PDE4D: variants seen among roughly 807,000 people sequenced by gnomAD.
PDE4D encodes the protein 3',5'-cyclic-AMP phosphodiesterase 4D.
In PDE4D, 24 loss-of-function variants were observed where a neutral mutation model predicts 87.4. That is an observed-to-expected ratio of 0.27 (90% confidence interval 0.20 to 0.39). PDE4D has a LOEUF of 0.39. PDE4D is among the 10% of genes least tolerant of loss of function. The probability of loss-of-function intolerance (pLI) is 1.00; values close to 1 mark genes in which losing one functional copy is unlikely to be tolerated. For missense variants in PDE4D, 714 were observed against 1,041.0 expected (o/e 0.69, Z 4.32); for synonymous variants, 384 against 383.2 (o/e 1.00, Z -0.02).
At chr5:59,225,467 T>C (rs890925147) in intron 1 of PDE4D, among the ~76,000 whole-genome samples, 1 of 152,196 alleles carries the variant, frequency 6.6e-6, no homozygotes, top group African/African-American at 2.4e-5. Flanking sequence ...TTTTTCAAGA[T>C]TGTTTTGACT....
chr5:59,330,719 A>G (rs1776568857), intron 1 of PDE4D, among the ~76,000 whole-genome samples: 1 of 152,156 alleles, frequency 6.6e-6, no homozygotes, highest in Non-Finnish European at 1.5e-5. Flanking sequence ...TTTCTCTGAC[A>G]TTGAAATTTC....
intron 2 of PDE4D, among the ~76,000 whole-genome samples, chr5:60,172,506 A>T (rs1229243244): frequency 1.3e-5 from 2 of 151,788 alleles, no homozygotes; most frequent in Non-Finnish European, 2.9e-5. Context: ...CATTGCTTTC[A>T]CTCTGCCCCT....
intron 5 of PDE4D, 21 bp from the exon 6 acceptor site, chr5:59,038,992 G>A: frequency 6.4e-7 from 1 of 1,560,768 alleles, no homozygotes; most frequent in South Asian, 1.2e-5. Context: ...ACAGGGAAAG[G>A]GGGACTCAGT....
intron 2 of PDE4D, among the ~76,000 whole-genome samples, chr5:60,009,979 G>T (rs1764864313): frequency 6.6e-6 from 1 of 151,914 alleles, no homozygotes; most frequent in Non-Finnish European, 1.5e-5. Context: ...GTACATTGTG[G>T]CCTCTATTTT....
At chr5:60,480,965 A>T (rs1748686436) in intron 1 of PDE4D, among the ~76,000 whole-genome samples, 1 of 152,184 alleles carries the variant, frequency 6.6e-6, no homozygotes, top group South Asian at 2.1e-4. Context: ...ATAAACAACA[A>T]GTAAATGGAG....
At chr5:60,377,250 T>C (rs1224367485) in intron 1 of PDE4D, among the ~76,000 whole-genome samples, 1 of 152,218 alleles carries the variant, frequency 6.6e-6, no homozygotes, top group Non-Finnish European at 1.5e-5. Flanking sequence ...ATATCTGACT[T>C]GGACCTCACT....
chr5:60,304,651 C>CAAAAAAAAAAAAAA (rs70975379), intron 1 of PDE4D, among the ~76,000 whole-genome samples: 123 of 60,046 alleles, frequency 2.0e-3, no homozygotes, highest in African/African-American at 9.2e-3. Context: ...GACTCCGTCT[C>CAAAAAAAAAAAAAA]AAAAAAAAAA....
chr5:60,379,083 T>G (rs1291818740), intron 1 of PDE4D, among the ~76,000 whole-genome samples: 4 of 152,124 alleles, frequency 2.6e-5, no homozygotes, highest in Non-Finnish European at 5.9e-5. Context: ...ATTGCATGCC[T>G]TTCTGCTCTT....
At chr5:60,259,051 C>G (rs1749379986) in intron 1 of PDE4D, among the ~76,000 whole-genome samples, 1 of 152,024 alleles carries the variant, frequency 6.6e-6, no homozygotes, top group African/African-American at 2.4e-5. Context: ...ATAAGCTCAT[C>G]ATATTTACTA....
chr5:59,899,170 A>G (rs934393280), intron 3 of PDE4D, among the ~76,000 whole-genome samples: 1 of 152,150 alleles, frequency 6.6e-6, no homozygotes, highest in Admixed American at 6.6e-5. Context: ...ACATTTTAAC[A>G]TTATAATGAT....
At chr5:58,990,726 A>G in intron 9 of PDE4D, 78 bp downstream of exon 9, 3 of 764,258 alleles carry the variant, frequency 3.9e-6, no homozygotes, top group Non-Finnish European at 6.5e-6. Flanking sequence ...ATTAAAAAAG[A>G]CAAAATGTAT....
At chr5:60,396,516 T>A (rs1248929238) in intron 1 of PDE4D, among the ~76,000 whole-genome samples, 2 of 152,202 alleles carry the variant, frequency 1.3e-5, no homozygotes, top group African/African-American at 2.4e-5. Context: ...TCCTTTTTTT[T>A]ATTCTTTTCT....
At chr5:60,097,131 C>A (rs868769151) in intron 2 of PDE4D, among the ~76,000 whole-genome samples, 35 of 151,768 alleles carry the variant, frequency 2.3e-4, no homozygotes, top group African/African-American at 7.7e-4. Context: ...TATTCTAAAG[C>A]CACAGCTAGG....
chr5:59,243,368 C>A (rs1239808845), intron 1 of PDE4D, among the ~76,000 whole-genome samples: 3 of 147,312 alleles, frequency 2.0e-5, no homozygotes, highest in African/African-American at 7.6e-5. Context: ...TATAAAACTG[C>A]AGGTTTAAAT....
At chr5:60,278,662 T>C (rs906901214) in intron 1 of PDE4D, among the ~76,000 whole-genome samples, 1 of 152,082 alleles carries the variant, frequency 6.6e-6, no homozygotes, top group Non-Finnish European at 1.5e-5. Flanking sequence ...TTTTATCTCC[T>C]GTATTCTGCC....
chr5:60,254,240 A>G (rs1055812446), intron 1 of PDE4D, among the ~76,000 whole-genome samples: 1 of 151,944 alleles, frequency 6.6e-6, no homozygotes, highest in Non-Finnish European at 1.5e-5. Context: ...AGATGTTCAC[A>G]TTATACCAAG....
At chr5:60,212,923 A>G (rs1450926994) in intron 1 of PDE4D, among the ~76,000 whole-genome samples, 3 of 152,184 alleles carry the variant, frequency 2.0e-5, no homozygotes, top group Non-Finnish European at 2.9e-5. Context: ...TTTGGTTGCC[A>G]TAATGCTACA....
At chr5:60,010,626 TG>T (rs1764931058) in intron 2 of PDE4D, among the ~76,000 whole-genome samples, 1 of 152,152 alleles carries the variant, frequency 6.6e-6, no homozygotes, top group Non-Finnish European at 1.5e-5. Flanking sequence ...GCCTATTGCA[TG>T]GAACACTCGA....
At chr5:59,682,211 C>T (rs1356947657) in intron 1 of PDE4D, among the ~76,000 whole-genome samples, 2 of 152,176 alleles carry the variant, frequency 1.3e-5, no homozygotes, top group Non-Finnish European at 2.9e-5. Context: ...TGAGGAATAA[C>T]AGCATATTTA....
Sources: allele counts gnomAD v4.1 joint callset (sites outside exome capture counted in the v4.1 genomes callset), GRCh38; gene constraint gnomAD v4.1.1; transcripts MANE v1.5; gene names NCBI Gene and HGNC (gene_info 2026-07-23, HGNC 2026-07-21).